Variants in CYTH3 observed in about 807,000 individuals in gnomAD.
The protein encoded by CYTH3 is cytohesin 3, also known as cytohesin-3.
Under a neutral mutation model 55.1 loss-of-function variants are expected in CYTH3, and 23 were observed. That is an observed-to-expected ratio of 0.42 (90% CI 0.30 to 0.59). The LOEUF is 0.59. Ranked by LOEUF, CYTH3 falls within the 20% of genes least tolerant of loss-of-function variation. The pLI is 0.20. For missense variants in CYTH3, 413 were observed against 524.8 expected, an observed-to-expected ratio of 0.79 and a Z score of 2.08; for synonymous variants, 249 against 194.9, an observed-to-expected ratio of 1.28 and a Z score of -2.31.
At chr7:6,232,293 G>A (rs534306850) in intron 1 of CYTH3, among the ~76,000 whole-genome samples, 1 of 152,272 alleles carries the variant, frequency 6.6e-6, no homozygotes, top group Admixed American at 6.5e-5. Flanking sequence ...ACTACAAGAA[G>A]CACCCCGGGA....
intron 1 of CYTH3, among the ~76,000 whole-genome samples, chr7:6,250,703 G>T (rs1245820422): frequency 1.3e-5 from 2 of 152,130 alleles, no homozygotes; most frequent in Non-Finnish European, 1.5e-5. Context: ...CAGCTAATGG[G>T]GCCCAGGTTC....
At chr7:6,241,594 G>A (rs970241001) in intron 1 of CYTH3, among the ~76,000 whole-genome samples, 2 of 152,108 alleles carry the variant, frequency 1.3e-5, no homozygotes, top group Non-Finnish European at 1.5e-5. Context: ...TGTAAAAAAC[G>A]GCATATTCAC....
chr7:6,244,950 G>A (rs1288919441), intron 1 of CYTH3, among the ~76,000 whole-genome samples: 6 of 109,994 alleles, frequency 5.5e-5, no homozygotes, highest in African/African-American at 1.0e-4. Flanking sequence ...CACCACGCCC[G>A]GCTAATTTTT....
At chr7:6,222,164 A>C (rs1205844895) in intron 1 of CYTH3, among the ~76,000 whole-genome samples, 1 of 152,188 alleles carries the variant, frequency 6.6e-6, no homozygotes, top group Non-Finnish European at 1.5e-5. Flanking sequence ...GGTGCCCTTC[A>C]CAGCCTCTGA....
intron 1 of CYTH3, among the ~76,000 whole-genome samples, chr7:6,243,875 C>G (rs1215806049): frequency 2.0e-5 from 3 of 152,154 alleles, no homozygotes; most frequent in African/African-American, 7.2e-5. Context: ...ACTTTCCAAT[C>G]ACCAGAGAAG....
At chr7:6,260,958 G>T (rs1428043611) in intron 1 of CYTH3, among the ~76,000 whole-genome samples, 1 of 152,174 alleles carries the variant, frequency 6.6e-6, no homozygotes, top group Non-Finnish European at 1.5e-5. Flanking sequence ...TAGCAAAATT[G>T]AATTCCTGAG....
chr7:6,170,430 T>C lies in CYTH3; in HGVS notation c.823+105A>G. ...TAACCGCGTTTCTTTTTAACGTCTC[T>C]GCCTGCGGTGGGGGGCATTCCTACG... On this transcript the variant is annotated intron_variant, in intron 9 of 12. Transcript: ENST00000350796. This position sits in a 1 kb window ranked among gnomAD's most constrained non-coding sequence, Gnocchi z 7.8. 2 of 1,047,216 alleles carry C rather than the reference T, an allele frequency of 1.9e-6. No individual in the cohort carries two copies. The highest frequency in any genetic ancestry group is 2.5e-5 in the East Asian group (1 of 39,930). The allele number at this position is 1,047,216 out of a possible 1,614,324, so 64.9% of individuals were successfully genotyped here.
At chr7:6,255,529 G>C (rs1248369401) in intron 1 of CYTH3, among the ~76,000 whole-genome samples, 1 of 152,146 alleles carries the variant, frequency 6.6e-6, no homozygotes, top group Non-Finnish European at 1.5e-5. Flanking sequence ...CATCCCAACA[G>C]AGTCGGCCGT....
At chr7:6,240,016 A>C (rs1260384730) in intron 1 of CYTH3, among the ~76,000 whole-genome samples, 1 of 152,238 alleles carries the variant, frequency 6.6e-6, no homozygotes, top group Non-Finnish European at 1.5e-5. Context: ...AATCAGAATG[A>C]AATTAGAGGC....
intron 4 of CYTH3, among the ~76,000 whole-genome samples, chr7:6,185,236 G>A (rs1021938857): frequency 6.6e-6 from 1 of 152,250 alleles, no homozygotes; most frequent in African/African-American, 2.4e-5. Context: ...AGTGGCTAGA[G>A]TGTATGCATT....
intron 1 of CYTH3, among the ~76,000 whole-genome samples, chr7:6,243,925 C>A (rs1396642916): frequency 6.6e-6 from 1 of 152,158 alleles, no homozygotes; most frequent in Non-Finnish European, 1.5e-5. Flanking sequence ...GTTGTCTCAT[C>A]AAAATGGAAA....
chr7:6,245,185 A>C (rs1426208299), intron 1 of CYTH3, among the ~76,000 whole-genome samples: 1 of 151,812 alleles, frequency 6.6e-6, no homozygotes, highest in Non-Finnish European at 1.5e-5. Context: ...GTAACCAAAA[A>C]TGCAGGGGGA....
At chr7:6,267,630 T>G (rs1583210870) in intron 1 of CYTH3, among the ~76,000 whole-genome samples, 1 of 152,146 alleles carries the variant, frequency 6.6e-6, no homozygotes, top group Non-Finnish European at 1.5e-5. Flanking sequence ...TTCAAGCAAT[T>G]CTCCTGCCTC....
chr7:6,254,179 A>C (rs532685411), intron 1 of CYTH3, among the ~76,000 whole-genome samples: 1 of 152,080 alleles, frequency 6.6e-6, no homozygotes. Flanking sequence ...GCAAGACTCC[A>C]CCTCAAAAAC....
chr7:6,194,844 G>A (rs1018653794), intron 1 of CYTH3, among the ~76,000 whole-genome samples: 4 of 151,928 alleles, frequency 2.6e-5, no homozygotes, highest in Non-Finnish European at 4.4e-5. Context: ...GTGCCGTGGC[G>A]GGCGCCTATA....
chr7:6,207,841 T>C (rs549434482), intron 1 of CYTH3, among the ~76,000 whole-genome samples: 1 of 150,862 alleles, frequency 6.6e-6, no homozygotes, highest in South Asian at 2.1e-4. Flanking sequence ...TCCCAGCTAC[T>C]TGGGAGGCTG....
intron 1 of CYTH3, among the ~76,000 whole-genome samples, chr7:6,217,735 T>G (rs1784458927): frequency 6.6e-6 from 1 of 152,110 alleles, no homozygotes; most frequent in Admixed American, 6.5e-5. Flanking sequence ...AACAGCATAA[T>G]ATTCATGTTT....
At chr7:6,190,877 G>GA (rs762528949) in intron 1 of CYTH3, among the ~76,000 whole-genome samples, 4 of 151,938 alleles carry the variant, frequency 2.6e-5, no homozygotes, top group Non-Finnish European at 5.9e-5. Context: ...AGGAGTTTGA[G>GA]ACCAGCCTGG....
At chr7:6,237,525 T>C (rs1053994421) in intron 1 of CYTH3, among the ~76,000 whole-genome samples, 3 of 152,014 alleles carry the variant, frequency 2.0e-5, no homozygotes, top group Admixed American at 2.0e-4. Flanking sequence ...CTGACCAACA[T>C]GGTGAAACCC....
Sources: allele counts gnomAD v4.1 joint callset (sites outside exome capture counted in the v4.1 genomes callset), GRCh38; gene constraint gnomAD v4.1.1; non-coding constraint Gnocchi (gnomAD v3.1); transcripts MANE v1.5; gene names NCBI Gene and HGNC (gene_info 2026-07-23, HGNC 2026-07-21).